Variants in CCDC171 observed in about 807,000 individuals in gnomAD.
The protein encoded by CCDC171 is coiled-coil domain-containing protein 171.
A neutral mutation model predicts 168.2 loss-of-function variants in CCDC171; 177 were observed. The ratio of observed to expected loss-of-function variants is 1.05; its 90% CI spans 0.93 to 1.19. The LOEUF is 1.19. Ranked by LOEUF, CCDC171 falls within the 50% of genes most tolerant of loss-of-function variation. The pLI, the probability that CCDC171 is intolerant of heterozygous loss-of-function variation, is 0.00. For missense variants in CCDC171, 1,991 were observed against 1,539.0 expected, an observed-to-expected ratio of 1.29 and a Z score of -4.91; for synonymous variants, 687 against 540.8, an observed-to-expected ratio of 1.27 and a Z score of -3.75.
At chr9:15,978,304 C>G (rs750440353), downstream of CCDC171, among the ~76,000 whole-genome samples, 24 of 152,174 alleles carry the variant, frequency 1.6e-4, no homozygotes, top group Non-Finnish European at 3.5e-4. Flanking sequence ...CATTCACAGT[C>G]ACAATTAAAA....
chr9:15,593,761 C>T (rs548359068), intron 5 of CCDC171, among the ~76,000 whole-genome samples: 29 of 151,896 alleles, frequency 1.9e-4, no homozygotes, highest in African/African-American at 6.8e-4. Context: ...ATATAATAAA[C>T]AGGTATATAC....
At chr9:15,615,494 G>A (rs544115166) in intron 6 of CCDC171, among the ~76,000 whole-genome samples, 1 of 152,106 alleles carries the variant, frequency 6.6e-6, no homozygotes, top group African/African-American at 2.4e-5. Context: ...TGTTAGGTCA[G>A]AATTTTATCT....
At chr9:15,889,925 G>A (rs1819965549) in intron 24 of CCDC171, among the ~76,000 whole-genome samples, 1 of 152,162 alleles carries the variant, frequency 6.6e-6, no homozygotes, top group Non-Finnish European at 1.5e-5. Flanking sequence ...GTCCATAGGA[G>A]CAACAGGGAC....
intron 25 of CCDC171, among the ~76,000 whole-genome samples, chr9:15,952,458 C>T (rs1240093216): frequency 1.3e-5 from 2 of 152,068 alleles, no homozygotes; most frequent in African/African-American, 4.8e-5. Flanking sequence ...AGTACAATGG[C>T]GTGATCTCAG....
the CCDC171 span, among the ~76,000 whole-genome samples, chr9:16,084,980 C>T: frequency 6.6e-6 from 1 of 152,196 alleles, no homozygotes; most frequent in African/African-American, 2.4e-5. Context: ...AAAATCATAA[C>T]ACCTAAAAAT....
In CCDC171 at chr9:15,823,076, A is replaced by G. The variant is rs567227180; in HGVS notation, c.3268-23626A>G. Among the ~76,000 whole-genome samples, 7 of 152,276 alleles carry G rather than the reference A, an allele frequency of 4.6e-5. No individual in the cohort carries two copies. In the East Asian group the frequency reaches 1.2e-3, roughly 25 times the overall value. ...TGGAAACCATCATTTTCAGCAAACT[A>G]TCGCAAGGAGAAAAAACCAAACACT... On this transcript the variant is annotated intron_variant, in intron 21 of 25. Transcript: ENST00000380701.
At chr9:15,922,233 C>A (rs938015494) in intron 25 of CCDC171, 3 of 340,870 alleles carry the variant, frequency 8.8e-6, no homozygotes, top group Admixed American at 5.1e-5. Flanking sequence ...TGCCCAATTC[C>A]ATGTCTTGAC....
intron 16 of CCDC171, among the ~76,000 whole-genome samples, chr9:15,743,479 T>G (rs2055039850): frequency 6.6e-6 from 1 of 152,188 alleles, no homozygotes; most frequent in Non-Finnish European, 1.5e-5. Context: ...CCCTTCTTAA[T>G]TTTACTCTTT....
chr9:15,712,845 C>T (rs778817422), intron 11 of CCDC171, among the ~76,000 whole-genome samples: 1 of 152,146 alleles, frequency 6.6e-6, no homozygotes, highest in Non-Finnish European at 1.5e-5. Context: ...CTGTGTATTA[C>T]CTCTGTCCTT....
chr9:16,083,518 A>C, the CCDC171 span, among the ~76,000 whole-genome samples: 1 of 152,212 alleles, frequency 6.6e-6, no homozygotes, highest in South Asian at 2.1e-4. Flanking sequence ...TGAGATTTTC[A>C]ATAACTACCA....
the CCDC171 span, among the ~76,000 whole-genome samples, chr9:16,104,506 A>G: frequency 5.3e-5 from 8 of 152,046 alleles, no homozygotes; most frequent in African/African-American, 1.9e-4. Context: ...ATCCAGGAAC[A>G]CCTTCACCTA....
intron 18 of CCDC171, among the ~76,000 whole-genome samples, chr9:15,753,910 C>T (rs961941705): frequency 2.0e-5 from 3 of 152,138 alleles, no homozygotes; most frequent in Admixed American, 1.3e-4. Flanking sequence ...ACAAAATTAT[C>T]AGTGTGGACC....
At chr9:15,600,888 C>T (rs1587314945) in intron 6 of CCDC171, among the ~76,000 whole-genome samples, 1 of 152,200 alleles carries the variant, frequency 6.6e-6, no homozygotes, top group African/African-American at 2.4e-5. Flanking sequence ...TTTCACACTG[C>T]TGTGGTAGCA....
intron 3 of CCDC171, among the ~76,000 whole-genome samples, chr9:15,989,482 CAG>C (rs1300391851): frequency 6.6e-6 from 1 of 152,156 alleles, no homozygotes; most frequent in African/African-American, 2.4e-5. Context: ...GGGGAAAAAA[CAG>C]AGCAGAAAAG....
Position 15,971,991 on chromosome 9 carries a change from C to A in CCDC171, c.*155C>A. 1 of 573,238 alleles carries A rather than the reference C, an allele frequency of 1.7e-6. No individual in the cohort carries two copies. The highest frequency in any genetic ancestry group is 3.4e-5 in the Admixed American group (1 of 29,326). 35.5% of individuals were successfully genotyped at this position (573,238 alleles called of 1,614,324 possible). ...TTGATGTATTCTGGTAGCTCTGTCT[C>A]CTTGAATAAGGAAATAGCCAACTTT... is the stretch of plus-strand genomic sequence containing the variant. On this transcript the variant is annotated 3_prime_UTR_variant, in exon 26 of 26. Transcript: ENST00000380701.
downstream of CCDC171, among the ~76,000 whole-genome samples, chr9:15,974,633 A>T (rs983474855): frequency 1.3e-5 from 2 of 152,212 alleles, no homozygotes; most frequent in Non-Finnish European, 2.9e-5. Context: ...TTTTTAATAC[A>T]TGTATTTTGG....
At chr9:15,983,335 A>G (rs1176505579) in intron 3 of CCDC171, among the ~76,000 whole-genome samples, 1 of 151,916 alleles carries the variant, frequency 6.6e-6, no homozygotes, top group Non-Finnish European at 1.5e-5. Context: ...TTTTTCCTGT[A>G]TCTTTAATTT....
intron 6 of CCDC171, among the ~76,000 whole-genome samples, chr9:15,610,678 C>T (rs2043618193): frequency 6.6e-6 from 1 of 151,516 alleles, no homozygotes; most frequent in Non-Finnish European, 1.5e-5. Context: ...CCACCTCAGC[C>T]TCTCGAATAC....
intron 16 of CCDC171, among the ~76,000 whole-genome samples, chr9:15,737,270 T>C (rs2054559916): frequency 2.6e-5 from 4 of 152,136 alleles, no homozygotes; most frequent in African/African-American, 9.6e-5. Flanking sequence ...ATTTTTTTCC[T>C]CAAAAAGTGT....
Sources: allele counts gnomAD v4.1 joint callset (sites outside exome capture counted in the v4.1 genomes callset), GRCh38; gene constraint gnomAD v4.1.1; transcripts MANE v1.5; gene names NCBI Gene and HGNC (gene_info 2026-07-23, HGNC 2026-07-21).